The following INSR variants were observed in gnomAD, a reference collection of about 807,000 sequenced individuals.
INSR encodes the protein insulin receptor.
INSR carries 67 observed loss-of-function variants against 142.6 expected under a neutral mutation model. The ratio of observed to expected loss-of-function variants is 0.47; its 90% CI spans 0.39 to 0.58. The LOEUF (loss-of-function observed/expected upper bound fraction) is 0.58, where lower values mean the gene tolerates loss of function less well. Among genes scored for constraint, INSR ranks in the 20% least tolerant of loss-of-function variants. The pLI, the probability that INSR is intolerant of heterozygous loss-of-function variation, is 0.00. For synonymous variants in INSR, 756 were observed against 743.1 expected (o/e 1.02, Z -0.28); for missense variants, 1,248 against 1,833.2 (o/e 0.68, Z 5.83).
At chr19:7,230,238 G>C (rs1446338782) in intron 2 of INSR, among the ~76,000 whole-genome samples, 1 of 152,118 alleles carries the variant, frequency 6.6e-6, no homozygotes, top group Admixed American at 6.6e-5. Context: ...GCAGTTAAAG[G>C]GATGGGACTC....
intron 2 of INSR, among the ~76,000 whole-genome samples, chr19:7,188,870 CAAA>C (rs10549803): frequency 0.04 from 2,837 of 71,806 alleles, 75 homozygotes; most frequent in African/African-American, 0.13. Context: ...GACTCTATCT[CAAA>C]AAAAAAAAAA....
rs995936508 is a variant in INSR at position 7,142,803 on chromosome 19, G to T, written c.2542+13C>A. On this transcript the variant is annotated intron_variant, in intron 12 of 21. Coordinates refer to ENST00000302850, the MANE Select transcript of INSR (RefSeq NM_000208.4). The stretch of plus-strand genomic sequence containing the variant: ...CCACCCATGACACTCGGACCCCGGA[G>T]CAGCAGCCCTACCTTCAGGCATGGT... The T allele has an allele frequency of 6.2e-7, 1 of 1,613,620 alleles. No homozygotes were observed. The highest frequency in any genetic ancestry group is 8.5e-7 in the Non-Finnish European group (1 of 1,179,992).
intron 2 of INSR, among the ~76,000 whole-genome samples, chr19:7,190,684 T>C (rs1169386264): frequency 2.0e-5 from 3 of 152,150 alleles, no homozygotes; most frequent in South Asian, 4.1e-4. Context: ...CTTTGAAGAC[T>C]ATCCTTCGAA....
intron 2 of INSR, among the ~76,000 whole-genome samples, chr19:7,185,583 C>CT (rs1318228518): frequency 6.6e-6 from 1 of 152,080 alleles, no homozygotes; most frequent in Admixed American, 6.6e-5. Flanking sequence ...TGGCTCACGC[C>CT]TGTAATCCTA....
intron 2 of INSR, among the ~76,000 whole-genome samples, chr19:7,200,460 TGG>T (rs1260021217): frequency 6.6e-6 from 1 of 151,832 alleles, no homozygotes; most frequent in Non-Finnish European, 1.5e-5. Flanking sequence ...GAGGCTGAGG[TGG>T]GAGGATTGCT....
chr19:7,175,706 G>A (rs147948698), intron 3 of INSR, among the ~76,000 whole-genome samples: 3 of 152,128 alleles, frequency 2.0e-5, no homozygotes, highest in East Asian at 1.9e-4. Flanking sequence ...GTGGTGGCAC[G>A]TGCCTATAAT....
intron 1 of INSR, among the ~76,000 whole-genome samples, chr19:7,284,466 A>G (rs1359574728): frequency 6.6e-6 from 1 of 152,154 alleles, no homozygotes; most frequent in Non-Finnish European, 1.5e-5. Context: ...CAGCCCCATC[A>G]CCAACTGAAA....
At chr19:7,215,407 A>G (rs1427623836) in intron 2 of INSR, among the ~76,000 whole-genome samples, 1 of 151,960 alleles carries the variant, frequency 6.6e-6, no homozygotes, top group East Asian at 1.9e-4. Context: ...CAGAGCAGAC[A>G]GCCGTCCCCA....
chr19:7,166,066 G>C lies in INSR; in HGVS notation c.1861+88C>G. Reference sequence around the variant, plus strand: ...AAAAAAAGCCAATAACCATATCAAGGAGCATTTTATACAACCTCACTGCAT... The same window carrying C: ...AAAAAAAGCCAATAACCATATCAAGCAGCATTTTATACAACCTCACTGCAT... On this transcript the variant is annotated intron_variant, in intron 8 of 21. Transcript: ENST00000302850. This position sits in a 1 kb window ranked among gnomAD's most constrained non-coding sequence, Gnocchi z 4.1. The C allele has an allele frequency of 6.8e-7, 1 of 1,479,762 alleles. No homozygotes were observed. Among genetic ancestry groups the C allele is most frequent in the Non-Finnish European group, 9.4e-7 (1 of 1,061,722 alleles). The allele number at this position is 1,479,762 out of a possible 1,614,324, so 91.7% of individuals were successfully genotyped here.
At chr19:7,144,683 C>A (rs1346316239) in intron 11 of INSR, among the ~76,000 whole-genome samples, 1 of 150,906 alleles carries the variant, frequency 6.6e-6, no homozygotes, top group Non-Finnish European at 1.5e-5. Flanking sequence ...GGATTACAGG[C>A]ATGAGCCACC....
Position 7,119,297 on chromosome 19 carries a change from G to T in INSR, c.3794+152C>A. The T allele has an allele frequency of 1.1e-6, 1 of 888,912 alleles. No homozygotes were observed. The highest frequency in any genetic ancestry group is 1.9e-6 in the Non-Finnish European group (1 of 540,442). 55.1% of individuals were successfully genotyped at this position (888,912 alleles called of 1,614,324 possible). A position where few individuals can be genotyped will look rare whatever the true frequency, so the allele number is the denominator to read the frequency against. ...ATGCAAATGCAAGCATGCATGTAAAGACAAGCTATGCAAACACAAACACAC... is the reference window on the plus strand; with the variant it reads ...ATGCAAATGCAAGCATGCATGTAAATACAAGCTATGCAAACACAAACACAC... On this transcript the variant is annotated intron_variant, in intron 21 of 21. Coordinates refer to ENST00000302850, the MANE Select transcript of INSR (RefSeq NM_000208.4). The surrounding 1 kb of genome is among the most constrained non-coding windows in gnomAD (Gnocchi z 5.2).
intron 2 of INSR, among the ~76,000 whole-genome samples, chr19:7,253,400 G>A (rs1976795278): frequency 6.6e-6 from 1 of 151,634 alleles, no homozygotes; most frequent in Non-Finnish European, 1.5e-5. Context: ...CACCAGCCCG[G>A]CTTATTTTTG....
chr19:7,237,684 C>T (rs1308236229), intron 2 of INSR, among the ~76,000 whole-genome samples: 1 of 151,756 alleles, frequency 6.6e-6, no homozygotes, highest in Non-Finnish European at 1.5e-5. Flanking sequence ...GGCATGGTGG[C>T]GGGTGCCTGT....
chr19:7,234,413 G>T (rs1976093317), intron 2 of INSR, among the ~76,000 whole-genome samples: 1 of 152,102 alleles, frequency 6.6e-6, no homozygotes, highest in Non-Finnish European at 1.5e-5. Context: ...TCGCCATGTT[G>T]CCCAGGCTGG....
rs546601144 is a variant in INSR, at chr19:7,292,387, G to A, written c.100+1405C>T. On this transcript the variant is annotated intron_variant, in intron 1 of 21. Transcript: ENST00000302850. ...TTACAGGCTTGAGCCACCGCAGCTG[G>A]CCAGATTTTCTTAACAAGAACTCCA... Among the ~76,000 whole-genome samples, 4 of 145,110 alleles carry A rather than the reference G, an allele frequency of 2.8e-5. No homozygotes were observed. The East Asian group carries it at 8.7e-4, about 31-fold the overall frequency.
chr19:7,197,625 GTGTT>G (rs1401310756), intron 2 of INSR, among the ~76,000 whole-genome samples: 1 of 147,520 alleles, frequency 6.8e-6, no homozygotes, highest in Non-Finnish European at 1.5e-5. Flanking sequence ...GAGTGTGTGT[GTGTT>G]TGGCAGGTTC....
In INSR at chr19:7,137,891, G is replaced by C. The variant is rs377434294; in HGVS notation, c.2682+3786C>G. 6.6e-5 allele frequency among the ~76,000 whole-genome samples: 10 copies of C among 150,598 alleles called. No homozygotes were observed. In the East Asian group the frequency reaches 1.8e-3, roughly 26 times the overall value. On this transcript the variant is annotated intron_variant, in intron 13 of 21. Transcript: ENST00000302850. The stretch of plus-strand genomic sequence containing the variant: ...GAAGCTCTTCAGTTGTTCAACTCTG[G>C]GAGCTAAGAAGCTTTTCCTCTATCA...
chr19:7,241,792 C>T (rs754697994), intron 2 of INSR, among the ~76,000 whole-genome samples: 19 of 152,028 alleles, frequency 1.2e-4, no homozygotes, highest in Non-Finnish European at 2.5e-4. Context: ...GCAGTCCCCA[C>T]CACGGAGAGG....
rs903297688 is a variant in INSR at position 7,249,699 on chromosome 19, A to C, written c.652+17646T>G. Among the ~76,000 whole-genome samples, 6 of 152,226 alleles carry C rather than the reference A, an allele frequency of 3.9e-5. No individual in the cohort carries two copies. In the East Asian group the frequency reaches 1.2e-3, roughly 29 times the overall value. ...TCCATCTGTACAAAAAATAAATTAA[A>C]AAAAAATTAGCGGCTGGGCGCGGTG... On this transcript the variant is annotated intron_variant, in intron 2 of 21. Coordinates refer to ENST00000302850, the MANE Select transcript of INSR (RefSeq NM_000208.4).
Sources: allele counts gnomAD v4.1 joint callset (sites outside exome capture counted in the v4.1 genomes callset), GRCh38; gene constraint gnomAD v4.1.1; non-coding constraint Gnocchi (gnomAD v3.1); transcripts MANE v1.5; gene names NCBI Gene and HGNC (gene_info 2026-07-23, HGNC 2026-07-21).